Variants in ACACB observed in about 807,000 individuals in gnomAD.
ACACB encodes acetyl-CoA carboxylase beta, also known as acetyl-CoA carboxylase 2.
Under a neutral mutation model 278.8 loss-of-function variants are expected in ACACB, and 209 were observed. The observed-to-expected ratio is 0.75, with a 90% confidence interval of 0.67 to 0.84. The LOEUF is 0.84. Ranked by LOEUF, ACACB falls within the 40% of genes least tolerant of loss-of-function variation. ACACB has a pLI of 0.00. For synonymous variants in ACACB, 1,174 were observed against 1,285.6 expected (o/e 0.91, Z 1.86); for missense variants, 2,850 against 3,269.0 (o/e 0.87, Z 3.13).
At chr12:109,210,527 A>G (rs1329178748) in intron 21 of ACACB, among the ~76,000 whole-genome samples, 1 of 148,772 alleles carries the variant, frequency 6.7e-6, no homozygotes, top group Non-Finnish European at 1.5e-5. Flanking sequence ...ACATGTGTAT[A>G]TGTGTATATA....
intron 28 of ACACB, among the ~76,000 whole-genome samples, chr12:109,229,049 T>C (rs891426991): frequency 6.6e-6 from 1 of 152,164 alleles, no homozygotes; most frequent in African/African-American, 2.4e-5. Flanking sequence ...TTCAAGCGAT[T>C]CTCCTGCCTC....
chr12:109,185,643 G>T lies in ACACB; in HGVS notation c.1883G>T (p.Trp628Leu), dbSNP rs1444863810. 10 of 1,613,788 alleles carry T rather than the reference G, an allele frequency of 6.2e-6. No homozygotes were observed. Among genetic ancestry groups the T allele is most frequent in the Non-Finnish European group, 7.6e-6 (9 of 1,179,790 alleles). Residue 628 changes from tryptophan (W) to leucine (L), a missense_variant, in exon 12 of 53, where the codon TGG (tryptophan) becomes TTG (leucine). By Grantham distance (61) the Trp-to-Leu change is moderately conservative (BLOSUM62 -2). This residue lies in a region of ACACB where 2,265 missense variants were observed against 2,561.3 expected (regional missense o/e 0.88). Transcript: ENST00000338432. ...DIRLLYGESP[W>L]GVTPISFETP... ...CGGCTTCTGTATGGAGAGTCACCAT[G>T]GGGAGTGACTCCCATTTCTTTTGAA...
Position 109,253,133 on chromosome 12 carries a change from T to A in ACACB, c.6020T>A (p.Leu2007Gln). 1 of 1,600,110 alleles carries A rather than the reference T, an allele frequency of 6.2e-7. No individual in the cohort carries two copies. Among genetic ancestry groups the A allele is most frequent in the South Asian group, 1.1e-5 (1 of 88,250 alleles). ...GACTTTGAGGGGGTTTATACCATCC[T>A]GGAGTGGCTGTCCTATATGCCAAAG... The part of the protein sequence containing the change: ...PDDFEGVYTI[L>Q]EWLSYMPKDN... Residue 2007 changes from leucine to glutamine, a missense_variant, in exon 43 of 53, where the codon CTG becomes CAG. By Grantham distance (113) the Leu-to-Gln change is moderately radical. Coordinates refer to ENST00000338432, the MANE Select transcript of ACACB (RefSeq NM_001093.4).
At position 109,232,748 on chromosome 12, in the gene ACACB, C is replaced by A; in HGVS notation, c.4081C>A (p.Pro1361Thr). Residue 1361 changes from proline (P) to threonine (T), a missense_variant, in exon 29 of 53, where the codon CCA becomes ACA. This residue lies in a region of ACACB where 2,265 missense variants were observed against 2,561.3 expected (regional missense o/e 0.88). Coordinates refer to ENST00000338432, the MANE Select transcript of ACACB (RefSeq NM_001093.4). ...GCTCTTCATGGACAGCGGCTTCTCCCCACTGTGCCAGCGCATGGGAGCCAT... is the reference window on the plus strand; with the variant it reads ...GCTCTTCATGGACAGCGGCTTCTCCACACTGTGCCAGCGCATGGGAGCCAT... ...TELFMDSGFS[P>T]LCQRMGAMVA... 1 of 1,614,178 alleles carries A rather than the reference C, an allele frequency of 6.2e-7. No individual in the cohort carries two copies. Among genetic ancestry groups the A allele is most frequent in the Non-Finnish European group, 8.5e-7 (1 of 1,180,042 alleles).
Position 109,242,811 on chromosome 12 carries a change from C to G in ACACB, c.5178+219C>G, listed in dbSNP as rs543155216. 1.1e-4 allele frequency: 55 copies of G among 516,788 alleles called. 1 individual carries two copies. The highest frequency in any genetic ancestry group is 1.0e-3 in the African/African-American group (53 of 51,974). 32.0% of individuals were successfully genotyped at this position (516,788 alleles called of 1,614,324 possible). ...AAGAACCCCATCTCTACAAAATATACAAAAATTAACCGGGCGTGGTGGCGC... is the reference window on the plus strand; with the variant it reads ...AAGAACCCCATCTCTACAAAATATAGAAAAATTAACCGGGCGTGGTGGCGC... On this transcript the variant is annotated intron_variant, in intron 37 of 52. Coordinates refer to ENST00000338432, the MANE Select transcript of ACACB (RefSeq NM_001093.4).
chr12:109,206,580 A>AT (rs2045521185), intron 19 of ACACB, 130 bp from the exon 20 acceptor site: 13 of 1,158,478 alleles, frequency 1.1e-5, no homozygotes, highest in African/African-American at 1.6e-5. Context: ...ATTGTCTTTG[A>AT]TTTTTTCCTC....
In ACACB at chr12:109,185,749, T is replaced by G. The variant is rs781033112; in HGVS notation, c.1980+9T>G. On this transcript the variant is annotated intron_variant, in intron 12 of 52. Coordinates refer to ENST00000338432, the MANE Select transcript of ACACB (RefSeq NM_001093.4). ...GCGAAAACCCAGACGAGGCAAGTTATGGGGGCCCCTGTGTTTCCACCATCT... is the reference window on the plus strand; with the variant it reads ...GCGAAAACCCAGACGAGGCAAGTTAGGGGGGCCCCTGTGTTTCCACCATCT... 6 of 1,603,862 alleles carry G rather than the reference T, an allele frequency of 3.7e-6. No homozygotes were observed. In the African/African-American group the frequency reaches 5.4e-5, roughly 14 times the overall value.
In ACACB at chr12:109,193,661, C is replaced by G; in HGVS notation, c.2413C>G (p.Pro805Ala). Reference sequence around the variant, plus strand: ...CTTTTCTTTCAGGGGCCAGGTCCTCCCAGCGGATTCACTACTGAACCTCGT... The same window carrying G: ...CTTTTCTTTCAGGGGCCAGGTCCTCGCAGCGGATTCACTACTGAACCTCGT... ...LHSLERGQVLPADSLLNLVDV... is the reference protein window; with the variant it reads ...LHSLERGQVLAADSLLNLVDV... Residue 805 changes from proline (P) to alanine (A), a missense_variant, in exon 16 of 53, where the codon CCA (proline) becomes GCA (alanine). Physicochemically the swap from Pro to Ala is conservative, Grantham distance 27. Transcript: ENST00000338432. 1 of 1,613,824 alleles carries G rather than the reference C, an allele frequency of 6.2e-7. No individual in the cohort carries two copies. The highest frequency in any genetic ancestry group is 8.5e-7 in the Non-Finnish European group (1 of 1,179,712).
At chr12:109,257,104 T>C (rs2047245022) in intron 45 of ACACB, among the ~76,000 whole-genome samples, 1 of 151,982 alleles carries the variant, frequency 6.6e-6, no homozygotes, top group African/African-American at 2.4e-5. Flanking sequence ...CGAAACCCCG[T>C]CTCTACTGAA....
intron 19 of ACACB, among the ~76,000 whole-genome samples, chr12:109,205,222 C>T (rs950676472): frequency 6.6e-6 from 1 of 152,184 alleles, no homozygotes; most frequent in Admixed American, 6.5e-5. Context: ...GTGGGCAGGT[C>T]TGGGTACCTG....
At chr12:109,181,954 C>T (rs1361385572) in intron 11 of ACACB, among the ~76,000 whole-genome samples, 3 of 145,970 alleles carry the variant, frequency 2.1e-5, no homozygotes, top group South Asian at 4.4e-4. Flanking sequence ...AACAATTCTC[C>T]TGCCTCAGCC....
chr12:109,220,212 AAATG>A (rs1343357688), intron 24 of ACACB, among the ~76,000 whole-genome samples: 1 of 152,188 alleles, frequency 6.6e-6, no homozygotes, highest in African/African-American at 2.4e-5. Context: ...TAGAGGCTAA[AAATG>A]TTGAACCAAT....
At chr12:109,210,539 AC>A in intron 21 of ACACB, among the ~76,000 whole-genome samples, 1 of 148,750 alleles carries the variant, frequency 6.7e-6, no homozygotes, top group Middle Eastern at 3.5e-3. Flanking sequence ...GTGTATATAT[AC>A]GTGCATGTAT....
At chr12:109,156,341 G>T (rs144521746) in intron 2 of ACACB, among the ~76,000 whole-genome samples, 168 of 152,194 alleles carry the variant, frequency 1.1e-3, no homozygotes, top group Middle Eastern at 6.8e-3. Context: ...ACCAGCTTGG[G>T]CAACATAGTG....
intron 26 of ACACB, among the ~76,000 whole-genome samples, chr12:109,223,574 T>C (rs537955298): frequency 2.0e-5 from 3 of 152,112 alleles, no homozygotes; most frequent in East Asian, 3.9e-4. Flanking sequence ...CTGGGCAACA[T>C]GTGAGACCCT....
rs545653301 is a variant in ACACB at position 109,191,987 on chromosome 12, A to C, written c.2399+37A>C. 1.6e-5 allele frequency: 25 copies of C among 1,604,588 alleles called. No individual in the cohort carries two copies. The South Asian group carries it at 2.8e-4, about 18-fold the overall frequency. On this transcript the variant is annotated intron_variant, in intron 15 of 52. Coordinates refer to ENST00000338432, the MANE Select transcript of ACACB (RefSeq NM_001093.4). ...GGCAGTTCCCTTCTGCTTTTGTGAT[A>C]TGTGTTAGCGGCTTAGGAGGCTGAA...
At chr12:109,234,200 G>A (rs929046424) in intron 31 of ACACB, among the ~76,000 whole-genome samples, 155 bp downstream of exon 31, 6 of 152,192 alleles carry the variant, frequency 3.9e-5, no homozygotes, top group African/African-American at 1.2e-4. Context: ...CATAGCTGGC[G>A]ACCTTGGGCA....
intron 1 of ACACB, among the ~76,000 whole-genome samples, chr12:109,125,960 T>C (rs545307540): frequency 2.6e-4 from 40 of 152,318 alleles, no homozygotes; most frequent in African/African-American, 9.1e-4. Context: ...TGATTTTATT[T>C]GCTTCCCAGT....
At chr12:109,146,679 T>C (rs961085896) in intron 2 of ACACB, among the ~76,000 whole-genome samples, 1 of 152,114 alleles carries the variant, frequency 6.6e-6, no homozygotes, top group Non-Finnish European at 1.5e-5. Context: ...AGATTCTTTT[T>C]TATTTTGTTT....
Sources: gnomAD v4.1 joint callset for allele counts (sites outside exome capture counted in the v4.1 genomes callset) on GRCh38, gnomAD v4.1.1 for gene constraint, gnomAD v4.1.1 regional missense constraint, MANE v1.5 for transcripts, NCBI Gene and HGNC (gene_info 2026-07-23, HGNC 2026-07-21) for gene names.